Variants in SCAI observed in about 807,000 individuals in gnomAD.
SCAI encodes the protein suppressor of cancer cell invasion.
In SCAI, 24 loss-of-function variants were observed where a neutral mutation model predicts 92.2. The observed-to-expected ratio is 0.26, with a 90% CI of 0.19 to 0.37. The LOEUF (loss-of-function observed/expected upper bound fraction) is 0.37, where lower values mean the gene tolerates loss of function less well. SCAI is among the 10% of genes least tolerant of loss of function. The probability of loss-of-function intolerance (pLI) is 1.00; values close to 1 mark genes in which losing one functional copy is unlikely to be tolerated. For synonymous variants in SCAI, 261 were observed against 258.6 expected (o/e 1.01, Z -0.09); for missense variants, 450 against 736.2 (o/e 0.61, Z 4.50).
At chr9:124,957,809 A>T (rs997520215) in intron 17 of SCAI, among the ~76,000 whole-genome samples, 2 of 151,722 alleles carry the variant, frequency 1.3e-5, no homozygotes, top group African/African-American at 4.8e-5. Context: ...CAGCCTCCCA[A>T]GTAGCTGGGA....
intron 17 of SCAI, chr9:124,968,183 A>G (rs961527920): frequency 3.1e-6 from 2 of 637,494 alleles, no homozygotes; most frequent in Non-Finnish European, 5.2e-6. Flanking sequence ...TGTTCCTCAA[A>G]AGCAGGAATG....
intron 2 of SCAI, among the ~76,000 whole-genome samples, chr9:125,063,680 C>A (rs975004359): frequency 1.2e-4 from 18 of 144,404 alleles, no homozygotes; most frequent in East Asian, 8.0e-4. Flanking sequence ...AAGTCCCCCT[C>A]AAAAAAAAAA....
intron 6 of SCAI, among the ~76,000 whole-genome samples, chr9:125,021,267 T>C (rs1342313038): frequency 6.6e-6 from 1 of 152,158 alleles, no homozygotes; most frequent in African/African-American, 2.4e-5. Context: ...GAAAATATGA[T>C]CTCTGTGCCT....
intron 4 of SCAI, 140 bp from the exon 5 acceptor site, chr9:125,028,618 C>A: frequency 4.6e-6 from 2 of 438,488 alleles, no homozygotes; most frequent in Middle Eastern, 5.2e-4. Flanking sequence ...TGTAGTCATT[C>A]CATTAAATTT....
chr9:125,001,807 G>A (rs1420710687), intron 12 of SCAI, among the ~76,000 whole-genome samples, 158 bp downstream of exon 12: 3 of 152,070 alleles, frequency 2.0e-5, no homozygotes, highest in African/African-American at 7.2e-5. Flanking sequence ...GACAGACTGG[G>A]GTATCTACAA....
intron 2 of SCAI, among the ~76,000 whole-genome samples, chr9:125,116,385 A>T (rs7856069): frequency 0.43 from 65,893 of 151,938 alleles, 14,687 homozygotes; most frequent in East Asian, 0.53. Context: ...AGAGGAAGGA[A>T]GACAGAAAGC....
rs1206665762 is a variant in SCAI, at chr9:125,106,122, AATATATATATATATATAT to A, written c.98+36493_98+36510del. On this transcript the variant is annotated intron_variant, in intron 2 of 17. Transcript: ENST00000336505. The stretch of plus-strand genomic sequence containing the variant: ...AAAAAAAAAAAAAAAAAAAAAAAAA[AATATATATATATATATAT>A]ATATATATATATATAGTTAAGTCAA... 2.7e-3 allele frequency among the ~76,000 whole-genome samples: 24 copies of A among 8,864 alleles called. 2 individuals carry two copies. Among genetic ancestry groups the A allele is most frequent in the East Asian group, 7.5e-3 (1 of 134 alleles). 5.8% of individuals were successfully genotyped at this position (8,864 alleles called of 152,430 possible).
intron 9 of SCAI, among the ~76,000 whole-genome samples, chr9:125,015,577 T>C (rs1832741347): frequency 6.6e-6 from 1 of 152,230 alleles, no homozygotes; most frequent in African/African-American, 2.4e-5. Context: ...TTTACACTAT[T>C]GGTGGGACTG....
At chr9:124,996,010 A>G (rs948091791) in intron 13 of SCAI, among the ~76,000 whole-genome samples, 1 of 152,180 alleles carries the variant, frequency 6.6e-6, no homozygotes, top group South Asian at 2.1e-4. Context: ...ATGTAAATTT[A>G]TGAATGTTTC....
At chr9:125,023,313 A>T (rs1440641910) in intron 6 of SCAI, among the ~76,000 whole-genome samples, 1 of 152,170 alleles carries the variant, frequency 6.6e-6, no homozygotes, top group Non-Finnish European at 1.5e-5. Context: ...TGAACTAGGG[A>T]CTTCCTTACT....
At chr9:125,113,135 G>C (rs1293797383) in intron 2 of SCAI, among the ~76,000 whole-genome samples, 7 of 152,212 alleles carry the variant, frequency 4.6e-5, no homozygotes, top group Admixed American at 3.9e-4. Flanking sequence ...AAAGAGTACA[G>C]TATGAAAAGC....
chr9:124,972,061 A>T (rs1175218793), intron 15 of SCAI, among the ~76,000 whole-genome samples: 1 of 152,232 alleles, frequency 6.6e-6, no homozygotes, highest in Non-Finnish European at 1.5e-5. Context: ...CTTAAGAGAA[A>T]TGGAAAATGA....
At chr9:124,967,050 CTT>C (rs1205183316) in intron 17 of SCAI, among the ~76,000 whole-genome samples, 2 of 151,566 alleles carry the variant, frequency 1.3e-5, no homozygotes, top group Non-Finnish European at 2.9e-5. Flanking sequence ...ATGAGCATAA[CTT>C]TGTGTGAGTT....
chr9:124,978,229 G>C (rs1033811222), intron 14 of SCAI, among the ~76,000 whole-genome samples: 5 of 152,126 alleles, frequency 3.3e-5, no homozygotes. Context: ...ATCACCTGAG[G>C]TCAGGAGTGG....
chr9:125,123,364 A>G (rs1213020317), intron 2 of SCAI, among the ~76,000 whole-genome samples: 1 of 149,256 alleles, frequency 6.7e-6, no homozygotes, highest in Non-Finnish European at 1.5e-5. Flanking sequence ...CTCCAACTCA[A>G]AAAAAAAAAG....
At chr9:125,032,067 TAAGAA>T (rs960424607) in intron 3 of SCAI, among the ~76,000 whole-genome samples, 3 of 150,980 alleles carry the variant, frequency 2.0e-5, no homozygotes, top group African/African-American at 7.3e-5. Context: ...TATTTTCAAT[TAAGAA>T]AAGAAGTACA....
intron 2 of SCAI, among the ~76,000 whole-genome samples, chr9:125,106,540 A>T (rs1471744604): frequency 1.3e-5 from 2 of 152,038 alleles, no homozygotes; most frequent in Non-Finnish European, 2.9e-5. Flanking sequence ...CATTCTTCCC[A>T]AACATGTGAA....
intron 14 of SCAI, among the ~76,000 whole-genome samples, chr9:124,982,797 G>T (rs1264359826): frequency 6.6e-6 from 1 of 151,994 alleles, no homozygotes; most frequent in Non-Finnish European, 1.5e-5. Context: ...TGATGGGGCT[G>T]TTCTGATTTC....
At chr9:125,063,942 C>T (rs900332717) in intron 2 of SCAI, among the ~76,000 whole-genome samples, 1 of 151,978 alleles carries the variant, frequency 6.6e-6, no homozygotes, top group Non-Finnish European at 1.5e-5. Context: ...TTAGTAGAGA[C>T]GGGGTTTCAC....
Sources: allele counts gnomAD v4.1 joint callset (sites outside exome capture counted in the v4.1 genomes callset), GRCh38; gene constraint gnomAD v4.1.1; transcripts MANE v1.5; gene names NCBI Gene and HGNC (gene_info 2026-07-23, HGNC 2026-07-21).